Variants in POLE2 observed in about 807,000 individuals in gnomAD.
POLE2 encodes DNA polymerase epsilon subunit 2.
A neutral mutation model predicts 79.4 loss-of-function variants in POLE2; 56 were observed. That is an observed-to-expected ratio of 0.71 (90% CI 0.57 to 0.88). POLE2 has a LOEUF of 0.88. POLE2 is among the 40% of genes least tolerant of loss of function. The pLI, the probability that POLE2 is intolerant of heterozygous loss-of-function variation, is 0.00. For missense variants in POLE2, 598 were observed against 638.9 expected, an observed-to-expected ratio of 0.94 and a Z score of 0.69; for synonymous variants, 212 against 214.0, an observed-to-expected ratio of 0.99 and a Z score of 0.08.
chr14:49,674,249 A>C, intron 4 of POLE2, 33 bp from the exon 5 acceptor site: 1 of 1,514,374 alleles, frequency 6.6e-7, no homozygotes, highest in Non-Finnish European at 9.2e-7. Flanking sequence ...TTTGACTATC[A>C]TAATACACAA....
intron 3 of POLE2, 87 bp from the exon 4 acceptor site, chr14:49,674,514 G>A: frequency 3.9e-6 from 3 of 777,656 alleles, no homozygotes; most frequent in Non-Finnish European, 6.6e-6. Flanking sequence ...ATAAGTATTT[G>A]TAATAACACA....
chr14:49,668,014 G>C (rs1885607495), intron 6 of POLE2, among the ~76,000 whole-genome samples: 1 of 152,232 alleles, frequency 6.6e-6, no homozygotes, highest in Non-Finnish European at 1.5e-5. Flanking sequence ...GTTCACGCCT[G>C]TAATCCCAGC....
At chr14:49,677,669 GA>G in intron 3 of POLE2, 1 of 893,086 alleles carries the variant, frequency 1.1e-6, no homozygotes. Context: ...AATGTTTGGG[GA>G]AGGCCCTTAC....
chr14:49,643,875 CTTT>C (rs11361567), intron 18 of POLE2, among the ~76,000 whole-genome samples: 106 of 53,172 alleles, frequency 2.0e-3, no homozygotes, highest in Middle Eastern at 9.8e-3. Flanking sequence ...AAATGTATGT[CTTT>C]TTTTTTTTTT....
intron 5 of POLE2, among the ~76,000 whole-genome samples, 181 bp from the exon 6 acceptor site, chr14:49,669,779 A>C (rs1885741515): frequency 6.6e-6 from 1 of 152,210 alleles, no homozygotes; most frequent in South Asian, 2.1e-4. Flanking sequence ...TTTAAAATTT[A>C]AGACAAAAAA....
intron 13 of POLE2, 122 bp downstream of exon 13, chr14:49,654,658 CTTTT>C: frequency 8.9e-7 from 1 of 1,125,780 alleles, no homozygotes; most frequent in East Asian, 2.9e-5. Flanking sequence ...TCTCTTAGTT[CTTTT>C]AATTTTCTCA....
At chr14:49,682,956 C>A (rs1244355192) in intron 2 of POLE2, among the ~76,000 whole-genome samples, 3 of 151,002 alleles carry the variant, frequency 2.0e-5, no homozygotes, top group Admixed American at 2.0e-4. Context: ...CTAGGAGAGA[C>A]AAAGTGACCA....
chr14:49,675,905 C>T (rs1308816861), intron 3 of POLE2, among the ~76,000 whole-genome samples: 1 of 152,164 alleles, frequency 6.6e-6, no homozygotes, highest in Admixed American at 6.6e-5. Flanking sequence ...AGGCACCCTC[C>T]ACCACGCCCA....
In POLE2 at chr14:49,688,121, C is replaced by G. The variant is rs2139708723; in HGVS notation, c.68+15G>C. On this transcript the variant is annotated intron_variant, in intron 1 of 18. Transcript: ENST00000216367. ...CTCTTCCCTCTCGCCCTTCAAGCTG[C>G]CCGAGCCCACTCACCCACGGAGCAG... The G allele has an allele frequency of 6.5e-7, 1 of 1,547,024 alleles. No homozygotes were observed. Among genetic ancestry groups the G allele is most frequent in the East Asian group, 2.5e-5 (1 of 39,570 alleles).
chr14:49,655,955 G>T (rs577250044), intron 10 of POLE2, 112 bp from the exon 11 acceptor site: 112 of 607,052 alleles, frequency 1.8e-4, no homozygotes, highest in Non-Finnish European at 3.0e-4. Context: ...GTGTAAAAAG[G>T]TACTCTTTGT....
intron 6 of POLE2, among the ~76,000 whole-genome samples, chr14:49,666,978 AT>A (rs930806584): frequency 2.6e-4 from 39 of 152,236 alleles, no homozygotes; most frequent in African/African-American, 8.7e-4. Flanking sequence ...AGGCAGGCGG[AT>A]CACGAGGTCA....
intron 10 of POLE2, among the ~76,000 whole-genome samples, chr14:49,657,484 G>C (rs542956436): frequency 6.0e-5 from 9 of 150,714 alleles, no homozygotes; most frequent in African/African-American, 2.2e-4. Context: ...CCAGGCTGGA[G>C]TGCAGTGCTG....
At chr14:49,680,695 G>A (rs1324644318) in intron 2 of POLE2, among the ~76,000 whole-genome samples, 2 of 151,878 alleles carry the variant, frequency 1.3e-5, no homozygotes, top group Admixed American at 1.3e-4. Context: ...ACTTTGATAT[G>A]TTGTCAAGCA....
In POLE2 at chr14:49,651,382, A is replaced by C; in HGVS notation, c.1212-5T>G. On this transcript the variant is annotated splice_region_variant and splice_polypyrimidine_tract_variant and intron_variant, in intron 15 of 18. Transcript: ENST00000216367. The stretch of plus-strand genomic sequence containing the variant: ...TCCTGTGTACAGTACTGAATTCTGA[A>C]ATGAAAACAGTAGTTGAATTTGACT... 2 of 1,223,836 alleles carry C rather than the reference A, an allele frequency of 1.6e-6. No individual in the cohort carries two copies. 75.8% of individuals were successfully genotyped at this position (1,223,836 alleles called of 1,614,324 possible). A position where few individuals can be genotyped will look rare whatever the true frequency, so the allele number is the denominator to read the frequency against.
chr14:49,658,119 C>T (rs1378123347), intron 10 of POLE2, among the ~76,000 whole-genome samples: 1 of 151,792 alleles, frequency 6.6e-6, no homozygotes, highest in Non-Finnish European at 1.5e-5. Context: ...CTCTGTCCCC[C>T]AGGCTGGAGT....
At chr14:49,675,003 T>C (rs1347311878) in intron 3 of POLE2, among the ~76,000 whole-genome samples, 2 of 152,132 alleles carry the variant, frequency 1.3e-5, no homozygotes, top group African/African-American at 2.4e-5. Flanking sequence ...AAGAATTTCA[T>C]CTGTTGAAAA....
In POLE2 at chr14:49,678,200, T is replaced by C. The variant is rs376047221; in HGVS notation, c.245+1525A>G. On this transcript the variant is annotated intron_variant, in intron 3 of 18. Coordinates refer to ENST00000216367, the MANE Select transcript of POLE2 (RefSeq NM_002692.4). ...TTTTTTAGTAGAGACGGGGTTTTGC[T>C]GTATGTTGGCCAGGCTGGTCTCGAA... Among the ~76,000 whole-genome samples, 174 of 152,008 alleles carry C rather than the reference T, an allele frequency of 1.1e-3. 1 individual carries two copies. The highest frequency in any genetic ancestry group is 4.1e-3 in the African/African-American group (169 of 41,452).
Position 49,650,431 on chromosome 14 carries a change from G to A in POLE2, c.1331C>T (p.Thr444Ile), listed in dbSNP as rs1884134852. Residue 444 changes from threonine to isoleucine, a missense_variant, in exon 17 of 19, where the codon ACT becomes ATT. Physicochemically the swap from Thr to Ile is moderately conservative, Grantham distance 89. Coordinates refer to ENST00000216367, the MANE Select transcript of POLE2 (RefSeq NM_002692.4). ...NLAIPNHFVK[T>I]ILSQGHLTPL... ...AGTCAGATGTCCTTGGGATAAGATA[G>A]TCTTTACAAACTACAAAAGAGCACA... The A allele has an allele frequency of 1.3e-6, 2 of 1,486,340 alleles. No homozygotes were observed. Among genetic ancestry groups the A allele is most frequent in the Non-Finnish European group, 1.8e-6 (2 of 1,111,014 alleles). 92.1% of individuals were successfully genotyped at this position (1,486,340 alleles called of 1,614,324 possible).
intron 1 of POLE2, among the ~76,000 whole-genome samples, chr14:49,686,238 G>A (rs1887127688): frequency 6.6e-6 from 1 of 152,024 alleles, no homozygotes; most frequent in Non-Finnish European, 1.5e-5. Context: ...ATAACTTACT[G>A]TATTATAATT....
Sources: gnomAD v4.1 joint callset for allele counts (sites outside exome capture counted in the v4.1 genomes callset) on GRCh38, gnomAD v4.1.1 for gene constraint, MANE v1.5 for transcripts, NCBI Gene and HGNC (gene_info 2026-07-23, HGNC 2026-07-21) for gene names.